NECAB1: variants seen among roughly 807,000 people sequenced by gnomAD.
The protein encoded by NECAB1 is N-terminal EF-hand calcium binding protein 1.
NECAB1 carries 29 observed loss-of-function variants against 57.5 expected under a neutral mutation model. The observed-to-expected ratio is 0.50, with a 90% CI of 0.38 to 0.69. The LOEUF is 0.69. Among genes scored for constraint, NECAB1 ranks in the 30% least tolerant of loss-of-function variants. The probability of loss-of-function intolerance (pLI) is 0.00; values close to 1 mark genes in which losing one functional copy is unlikely to be tolerated. For missense variants in NECAB1, 372 were observed against 413.8 expected (o/e 0.90, Z 0.88); for synonymous variants, 142 against 147.7 (o/e 0.96, Z 0.28).
intron 10 of NECAB1, among the ~76,000 whole-genome samples, chr8:90,946,671 C>G (rs919487759): frequency 1.3e-5 from 2 of 152,206 alleles, no homozygotes; most frequent in Admixed American, 6.5e-5. Flanking sequence ...AGATGGCCCA[C>G]AGTCAGGAAG....
chr8:90,933,541 A>G (rs1810459199), intron 8 of NECAB1, among the ~76,000 whole-genome samples: 1 of 152,188 alleles, frequency 6.6e-6, no homozygotes. Context: ...ATGCAAAGGC[A>G]TAAGAATGAC....
At chr8:90,865,103 A>G (rs1808489334) in intron 3 of NECAB1, among the ~76,000 whole-genome samples, 1 of 152,174 alleles carries the variant, frequency 6.6e-6, no homozygotes, top group African/African-American at 2.4e-5. Flanking sequence ...GCGGAGCAGA[A>G]CAAGCATGGA....
intron 5 of NECAB1, among the ~76,000 whole-genome samples, chr8:90,907,223 C>T (rs1480888649): frequency 2.8e-5 from 4 of 145,366 alleles, no homozygotes; most frequent in African/African-American, 1.0e-4. Context: ...CTAGCTAATA[C>T]TATGAACTCT....
At chr8:90,826,488 A>G (rs1812227128) in intron 3 of NECAB1, among the ~76,000 whole-genome samples, 1 of 151,958 alleles carries the variant, frequency 6.6e-6, no homozygotes, top group African/African-American at 2.4e-5. Flanking sequence ...GTTGCACTTT[A>G]CTGGGATATG....
chr8:90,802,700 C>T (rs2130645178), intron 2 of NECAB1, among the ~76,000 whole-genome samples: 1 of 152,244 alleles, frequency 6.6e-6, no homozygotes, highest in African/African-American at 2.4e-5. Context: ...CCTTTCTACA[C>T]AAAAGAAGAT....
Position 90,929,910 on chromosome 8 carries a change from C to T in NECAB1, c.693+1611C>T, listed in dbSNP as rs1287012929. ...AGTCTTTCATGTAGGGAAGTAGTAACAAATAAGGTTGTATGGACCGAAGAG... is the reference window on the plus strand; with the variant it reads ...AGTCTTTCATGTAGGGAAGTAGTAATAAATAAGGTTGTATGGACCGAAGAG... On this transcript the variant is annotated intron_variant, in intron 8 of 12. Coordinates refer to ENST00000417640, the MANE Select transcript of NECAB1 (RefSeq NM_022351.5). Among the ~76,000 whole-genome samples, 5 of 152,004 alleles carry T rather than the reference C, an allele frequency of 3.3e-5. No individual in the cohort carries two copies. In the South Asian group the frequency reaches 1.0e-3, roughly 31 times the overall value.
chr8:90,810,803 T>C (rs1211847410), intron 2 of NECAB1, among the ~76,000 whole-genome samples: 2 of 152,120 alleles, frequency 1.3e-5, no homozygotes, highest in African/African-American at 4.8e-5. Flanking sequence ...TTGAGAAAAC[T>C]TAGTCAATAA....
chr8:90,873,861 A>T (rs1285445338), intron 4 of NECAB1, among the ~76,000 whole-genome samples: 3 of 147,598 alleles, frequency 2.0e-5, no homozygotes. Context: ...AAATATTTTA[A>T]AAATATGCCT....
intron 3 of NECAB1, among the ~76,000 whole-genome samples, chr8:90,835,346 A>G (rs1408006194): frequency 2.0e-5 from 3 of 152,154 alleles, no homozygotes; most frequent in African/African-American, 4.8e-5. Flanking sequence ...AGGCCACTCA[A>G]TGCCATAAAA....
intron 5 of NECAB1, among the ~76,000 whole-genome samples, chr8:90,906,274 A>G (rs1809644483): frequency 6.6e-6 from 1 of 152,152 alleles, no homozygotes; most frequent in Admixed American, 6.5e-5. Context: ...CAGACTGCTG[A>G]GTGGACTGAA....
intron 2 of NECAB1, among the ~76,000 whole-genome samples, chr8:90,809,038 C>T (rs1168014327): frequency 6.6e-6 from 1 of 152,202 alleles, no homozygotes; most frequent in African/African-American, 2.4e-5. Flanking sequence ...GAGGTCTGTC[C>T]ATGACCACCT....
chr8:90,909,188 G>A (rs1484859858), intron 5 of NECAB1, among the ~76,000 whole-genome samples: 1 of 151,920 alleles, frequency 6.6e-6, no homozygotes, highest in East Asian at 1.9e-4. Flanking sequence ...TATTTTTGAG[G>A]TTGGCAGCCT....
At chr8:90,816,651 A>G (rs968418103) in intron 2 of NECAB1, among the ~76,000 whole-genome samples, 26 of 151,746 alleles carry the variant, frequency 1.7e-4, no homozygotes, top group Admixed American at 1.5e-3. Context: ...TAGTGTGGGT[A>G]TACTTCTGGA....
intron 5 of NECAB1, among the ~76,000 whole-genome samples, chr8:90,903,703 C>T (rs527351874): frequency 9.2e-5 from 14 of 152,172 alleles, no homozygotes; most frequent in Admixed American, 9.2e-4. Context: ...GTTGCTGAAA[C>T]AAACTAAAAA....
chr8:90,890,609 A>T (rs1435536817), intron 5 of NECAB1, among the ~76,000 whole-genome samples: 1 of 152,208 alleles, frequency 6.6e-6, no homozygotes, highest in Admixed American at 6.5e-5. Context: ...ACATATAACA[A>T]GATGAAAAAT....
At chr8:90,936,406 C>T (rs1339657815) in intron 9 of NECAB1, among the ~76,000 whole-genome samples, 3 of 152,154 alleles carry the variant, frequency 2.0e-5, no homozygotes, top group South Asian at 2.1e-4. Context: ...ATACATAACT[C>T]ACTTAATCCT....
chr8:90,912,305 G>C (rs1045123071), intron 5 of NECAB1, among the ~76,000 whole-genome samples: 2 of 152,118 alleles, frequency 1.3e-5, no homozygotes, highest in African/African-American at 4.8e-5. Flanking sequence ...AGAACAATAG[G>C]AGGAGCCAGA....
At chr8:90,895,873 A>C (rs907549616) in intron 5 of NECAB1, among the ~76,000 whole-genome samples, 1 of 152,186 alleles carries the variant, frequency 6.6e-6, no homozygotes, top group Non-Finnish European at 1.5e-5. Context: ...TTTAATTGTA[A>C]CTTTCTACTC....
intron 4 of NECAB1, among the ~76,000 whole-genome samples, chr8:90,879,525 G>A (rs772676456): frequency 5.9e-5 from 9 of 151,950 alleles, no homozygotes; most frequent in Non-Finnish European, 1.2e-4. Context: ...ATATATACAA[G>A]TTTTAAAATA....
Sources: gnomAD v4.1 joint callset for allele counts (sites outside exome capture counted in the v4.1 genomes callset) on GRCh38, gnomAD v4.1.1 for gene constraint, MANE v1.5 for transcripts, NCBI Gene and HGNC (gene_info 2026-07-23, HGNC 2026-07-21) for gene names.